Variants in PDE2A observed in about 807,000 individuals in gnomAD.
PDE2A encodes cGMP-dependent 3',5'-cyclic phosphodiesterase.
A neutral mutation model predicts 133.6 loss-of-function variants in PDE2A; 53 were observed. The observed-to-expected ratio is 0.40, with a 90% confidence interval of 0.32 to 0.50. The LOEUF (loss-of-function observed/expected upper bound fraction) is 0.50, where lower values mean the gene tolerates loss of function less well. Among genes scored for constraint, PDE2A ranks in the 20% least tolerant of loss-of-function variants. The pLI is 0.73. For synonymous variants in PDE2A, 491 were observed against 490.2 expected (o/e 1.00, Z -0.02); for missense variants, 796 against 1,232.4 (o/e 0.65, Z 5.30).
At chr11:72,584,451 G>A (rs774999984) in intron 18 of PDE2A, 100 bp downstream of exon 18, 1 of 1,397,244 alleles carries the variant, frequency 7.2e-7, no homozygotes, top group East Asian at 2.5e-5. Flanking sequence ...CTTATGCTCC[G>A]GGACGCTGGA....
At chr11:72,661,564 G>A (rs1053905133) in intron 1 of PDE2A, among the ~76,000 whole-genome samples, 1 of 152,230 alleles carries the variant, frequency 6.6e-6, no homozygotes, top group African/African-American at 2.4e-5. Flanking sequence ...CAAGGCTGGG[G>A]AGTATGGAAA....
intron 6 of PDE2A, 72 bp downstream of exon 6, chr11:72,596,521 G>A: frequency 4.1e-6 from 2 of 488,572 alleles, no homozygotes; most frequent in Admixed American, 4.3e-5. Flanking sequence ...CACACACCCT[G>A]GACAGGCTCC....
intron 2 of PDE2A, among the ~76,000 whole-genome samples, chr11:72,628,148 C>T (rs1181870664): frequency 6.6e-6 from 1 of 152,212 alleles, no homozygotes; most frequent in African/African-American, 2.4e-5. Flanking sequence ...AGGGGTACAG[C>T]CTAGTCCTGG....
At chr11:72,589,064 CCAGGTCTT>C in intron 12 of PDE2A, 103 bp downstream of exon 12, 2 of 1,240,112 alleles carry the variant, frequency 1.6e-6, no homozygotes, top group Non-Finnish European at 2.3e-6. Flanking sequence ...TAGAAAGTCC[CCAGGTCTT>C]ATCTGCCCCA....
chr11:72,586,352 G>A (rs1000933606), intron 13 of PDE2A, among the ~76,000 whole-genome samples, 171 bp from the exon 14 acceptor site: 7 of 152,166 alleles, frequency 4.6e-5, no homozygotes, highest in South Asian at 2.1e-4. Flanking sequence ...CAGACTGGGG[G>A]CTGCCCAAGG....
At chr11:72,622,171 G>A (rs1393610553) in intron 2 of PDE2A, among the ~76,000 whole-genome samples, 5 of 94,824 alleles carry the variant, frequency 5.3e-5, no homozygotes, top group Admixed American at 1.0e-4. Flanking sequence ...CATTAGGATG[G>A]CTACCATTAA....
chr11:72,618,561 C>T (rs973976994), intron 2 of PDE2A, among the ~76,000 whole-genome samples: 15 of 152,344 alleles, frequency 9.8e-5, no homozygotes, highest in African/African-American at 2.9e-4. Context: ...TGGGGCCCCA[C>T]GCACTCCCCT....
chr11:72,645,629 T>C (rs999237771), intron 1 of PDE2A, among the ~76,000 whole-genome samples: 2 of 152,210 alleles, frequency 1.3e-5, no homozygotes, highest in African/African-American at 2.4e-5. Flanking sequence ...TCCCAGATGT[T>C]TGTGAATGTC....
chr11:72,674,323 T>C lies in PDE2A; in HGVS notation c.-116A>G. On this transcript the variant is annotated 5_prime_UTR_variant, in exon 1 of 31. Coordinates refer to ENST00000334456, the MANE Select transcript of PDE2A (RefSeq NM_002599.5). ...GGCACAGGGACCAAGAGCAGTGGGCTGCCCCCTACTCAGCCTGGACTCAAC... is the reference window on the plus strand; with the variant it reads ...GGCACAGGGACCAAGAGCAGTGGGCCGCCCCCTACTCAGCCTGGACTCAAC... The C allele has an allele frequency of 1.0e-6, 1 of 999,480 alleles. No homozygotes were observed. The highest frequency in any genetic ancestry group is 1.5e-5 in the South Asian group (1 of 65,574). 61.9% of individuals were successfully genotyped at this position (999,480 alleles called of 1,614,324 possible).
At chr11:72,656,970 C>T (rs796270682) in intron 1 of PDE2A, among the ~76,000 whole-genome samples, 1 of 152,210 alleles carries the variant, frequency 6.6e-6, no homozygotes, top group Non-Finnish European at 1.5e-5. Flanking sequence ...CAGTCCTTCT[C>T]GAGCCTCGAT....
At chr11:72,585,676 G>T in intron 14 of PDE2A, 83 bp from the exon 15 acceptor site, 1 of 1,223,432 alleles carries the variant, frequency 8.2e-7, no homozygotes, top group Non-Finnish European at 1.2e-6. Flanking sequence ...ACAGCACCCG[G>T]GTCTTCTCCT....
At position 72,581,410 on chromosome 11, in the gene PDE2A, G is replaced by C; in HGVS notation, c.1992C>G (p.Val664=). 1 of 1,612,360 alleles carries C rather than the reference G, an allele frequency of 6.2e-7. No individual in the cohort carries two copies. The highest frequency in any genetic ancestry group is 1.7e-5 in the Admixed American group (1 of 59,820). ...TGTAGAGCAGGTAGCAGAAGTGGGA[G>C]ACAGAAAAGGCGTGCATCCAGTTGT... is the stretch of plus-strand genomic sequence containing the variant. ...PYHNWMHAFS[V]SHFCYLLYKN... The change falls in exon 23 of 31, where the codon GTC becomes GTG. Residue 664 remains valine (V), a synonymous_variant. Transcript: ENST00000334456.
chr11:72,583,879 C>T (rs1328051376), intron 19 of PDE2A, among the ~76,000 whole-genome samples: 1 of 152,180 alleles, frequency 6.6e-6, no homozygotes, highest in Non-Finnish European at 1.5e-5. Flanking sequence ...GCCTGGACAC[C>T]GAGACCCAGC....
chr11:72,598,654 T>C, intron 4 of PDE2A: 1 of 1,288,754 alleles, frequency 7.8e-7, no homozygotes, highest in South Asian at 1.2e-5. Context: ...ACAGGGTCAC[T>C]AAGGGAAGCC....
rs900746258 is a variant in PDE2A, at chr11:72,590,806, C to A, written c.550-226G>T. On this transcript the variant is annotated intron_variant, in intron 7 of 30. Coordinates refer to ENST00000334456, the MANE Select transcript of PDE2A (RefSeq NM_002599.5). This position sits in a 1 kb window ranked among gnomAD's most constrained non-coding sequence, Gnocchi z 4.8. ...GTCCAGGAACAGGAGGGTACAGGGT[C>A]TATCTCCATCCCTAGCCCCTAGATT... 9.1e-6 allele frequency: 4 copies of A among 438,442 alleles called. No individual in the cohort carries two copies. The highest frequency in any genetic ancestry group is 1.6e-5 in the Non-Finnish European group (4 of 251,964). 27.2% of individuals were successfully genotyped at this position (438,442 alleles called of 1,614,324 possible). A position where few individuals can be genotyped will look rare whatever the true frequency, so the allele number is the denominator to read the frequency against.
In PDE2A at chr11:72,590,952, G is replaced by A. The variant is rs993166423; in HGVS notation, c.549+345C>T. The A allele has an allele frequency of 1.1e-5, 4 of 347,844 alleles. No individual in the cohort carries two copies. Among genetic ancestry groups the A allele is most frequent in the African/African-American group, 8.5e-5 (4 of 47,328 alleles). 21.5% of individuals were successfully genotyped at this position (347,844 alleles called of 1,614,324 possible). On this transcript the variant is annotated intron_variant, in intron 7 of 30. Transcript: ENST00000334456. The surrounding 1 kb of genome is among the most constrained non-coding windows in gnomAD (Gnocchi z 4.8). ...AGAGCCTCAGTATCATTATGTGGAG[G>A]GTTCTTTCTAAGTACAGATGCTCCT...
intron 2 of PDE2A, among the ~76,000 whole-genome samples, chr11:72,610,674 A>G (rs1857169908): frequency 6.6e-6 from 1 of 152,194 alleles, no homozygotes; most frequent in Non-Finnish European, 1.5e-5. Context: ...ATCAGAAGCT[A>G]CTGATTCCAG....
At chr11:72,596,474 TCTCTCTCTCTCACA>T (rs1591042489) in intron 6 of PDE2A, 105 bp downstream of exon 6, 2 of 248,590 alleles carry the variant, frequency 8.0e-6, no homozygotes, top group South Asian at 2.1e-4. Context: ...TCTCTCTCTC[TCTCTCTCTCTCACA>T]CACACACACA....
rs889394491 is a variant in PDE2A at position 72,586,163 on chromosome 11, C to A, written c.1089G>T (p.Glu363Asp). 1 of 1,610,616 alleles carries A rather than the reference C, an allele frequency of 6.2e-7. No homozygotes were observed. The highest frequency in any genetic ancestry group is 8.5e-7 in the Non-Finnish European group (1 of 1,177,804). The change falls in exon 14 of 31, where the codon GAG becomes GAT. Residue 363 changes from glutamate (E) to aspartate (D), a missense_variant. Coordinates refer to ENST00000334456, the MANE Select transcript of PDE2A (RefSeq NM_002599.5). ...AGTGGAAGCAGTGCTGGATCACATG[C>A]TCGTCCTCGTCGGTGAACCTGGAGG... ...LEGDLFTDED[E>D]HVIQHCFHYT... is the part of the protein sequence containing the mutation.
Sources: allele counts gnomAD v4.1 joint callset (sites outside exome capture counted in the v4.1 genomes callset), GRCh38; gene constraint gnomAD v4.1.1; non-coding constraint Gnocchi (gnomAD v3.1); transcripts MANE v1.5; gene names NCBI Gene and HGNC (gene_info 2026-07-23, HGNC 2026-07-21).